Variants in NDUFA7 observed in about 807,000 individuals in gnomAD.
NDUFA7 encodes NADH dehydrogenase [ubiquinone] 1 alpha subcomplex subunit 7.
A neutral mutation model predicts 14.2 loss-of-function variants in NDUFA7; 18 were observed. The observed-to-expected ratio is 1.27, with a 90% CI of 0.88 to 1.88. The LOEUF (loss-of-function observed/expected upper bound fraction) is 1.88. Ranked by LOEUF, NDUFA7 falls within the 40% of genes most tolerant of loss-of-function variation. The pLI, the probability that NDUFA7 is intolerant of heterozygous loss-of-function variation, is 0.00. For synonymous variants in NDUFA7, 75 were observed against 62.1 expected, an observed-to-expected ratio of 1.21 and a Z score of -0.98; for missense variants, 172 against 147.3, an observed-to-expected ratio of 1.17 and a Z score of -0.87.
At chr19:8,314,473 A>G (rs575880349) in intron 3 of NDUFA7, among the ~76,000 whole-genome samples, 2 of 151,476 alleles carry the variant, frequency 1.3e-5, no homozygotes, top group South Asian at 4.2e-4. Flanking sequence ...GGGTTGGACT[A>G]AATGAGCTCT....
downstream of NDUFA7, among the ~76,000 whole-genome samples, chr19:8,310,251 G>A (rs191013285): frequency 5.0e-3 from 759 of 151,896 alleles, 5 homozygotes; most frequent in African/African-American, 0.018. Flanking sequence ...CCAACATGGC[G>A]AAACCCCGTC....
chr19:8,316,054 G>A (rs1377829982), intron 3 of NDUFA7, among the ~76,000 whole-genome samples: 1 of 150,162 alleles, frequency 6.7e-6, no homozygotes, highest in Non-Finnish European at 1.5e-5. Flanking sequence ...AGAGGCTGAG[G>A]CAGAGAATCG....
At chr19:8,308,635 C>CGAGA, downstream of NDUFA7, 6 of 328,066 alleles carry the variant, frequency 1.8e-5, no homozygotes, top group South Asian at 3.9e-5. Context: ...AGCCACGCCC[C>CGAGA]TCAGGCACTC....
rs1389480091 is a variant in NDUFA7, at chr19:8,316,540, G to C, written c.207C>G (p.Ile69Met). Residue 69 changes from isoleucine (I) to methionine (M), a missense_variant, in exon 3 of 4, where the codon ATC (isoleucine) becomes ATG (methionine). Ile to Met is a conservative substitution (Grantham distance 10, BLOSUM62 1). Transcript: ENST00000301457. ...ACACCAGCGCCTTCTGCGACGACAT[G>C]ATGATGGAAGGGGGCACAGATTCCC... The part of the protein sequence containing the change: ...GRRESVPPSI[I>M]MSSQKALVSG... 6.2e-7 allele frequency: 1 copy of C among 1,614,140 alleles called. No individual in the cohort carries two copies. The highest frequency in any genetic ancestry group is 8.5e-7 in the Non-Finnish European group (1 of 1,180,032).
chr19:8,316,845 C>A (rs1374561002), intron 2 of NDUFA7, 200 bp from the exon 3 acceptor site: 2 of 598,328 alleles, frequency 3.3e-6, no homozygotes, highest in Non-Finnish European at 5.8e-6. Context: ...AGATGGTGGA[C>A]CCTGCTCTGG....
At chr19:8,313,027 C>T (rs1179482941) in intron 3 of NDUFA7, among the ~76,000 whole-genome samples, 2 of 151,794 alleles carry the variant, frequency 1.3e-5, no homozygotes, top group African/African-American at 4.8e-5. Context: ...GATCTCCTGA[C>T]CCCTAGTGAT....
rs936681740 is a variant in NDUFA7, at chr19:8,321,018, G to C, written c.52-112C>G. 9 of 1,243,986 alleles carry C rather than the reference G, an allele frequency of 7.2e-6. No individual in the cohort carries two copies. In the Middle Eastern group the frequency reaches 1.5e-3, roughly 203 times the overall value. The allele number at this position is 1,243,986 out of a possible 1,614,324, so 77.1% of individuals were successfully genotyped here. ...GATGCGCATTTTAAGGGAAGGCAGG[G>C]GATGAACACTCGGGGAAACGGATGT... is the stretch of plus-strand genomic sequence containing the variant. On this transcript the variant is annotated intron_variant, in intron 1 of 3. Transcript: ENST00000301457.
At chr19:8,316,443 G>A in intron 3 of NDUFA7, 53 bp downstream of exon 3, 3 of 1,599,190 alleles carry the variant, frequency 1.9e-6, no homozygotes, top group Non-Finnish European at 2.6e-6. Context: ...GAGACAGAGT[G>A]GGTTGCAGGA....
rs778038180 is a variant in NDUFA7, at chr19:8,321,350, G to T, written c.9C>A (p.Ser3=). The T allele has an allele frequency of 3.2e-6, 5 of 1,576,346 alleles. No individual in the cohort carries two copies. The Admixed American group carries it at 5.5e-5, about 17-fold the overall frequency. ...GCAGCCGCTGGATGAGACGGGTGGC[G>T]GACGCCATCTTCCGTCCGCGATACT... MA[S]ATRLIQRLRN... is the part of the protein sequence containing the mutation. The change falls in exon 1 of 4, where the codon TCC becomes TCA. Residue 3 remains serine (S), a synonymous_variant. Transcript: ENST00000301457.
rs1450853536 is a variant in NDUFA7 at position 8,316,660 on chromosome 19, G to T, written c.102-15C>A. On this transcript the variant is annotated splice_polypyrimidine_tract_variant and intron_variant, in intron 2 of 3. Transcript: ENST00000301457. ...GAGGCTGAGTTCTGAGGGGAAAAAA[G>T]ATGAGCACTGAAGCAAAGAGACAGT... 2.5e-6 allele frequency: 4 copies of T among 1,613,370 alleles called. No homozygotes were observed. Among genetic ancestry groups the T allele is most frequent in the Non-Finnish European group, 3.4e-6 (4 of 1,179,530 alleles).
chr19:8,313,668 G>A (rs968470933), intron 3 of NDUFA7, among the ~76,000 whole-genome samples: 3 of 152,232 alleles, frequency 2.0e-5, no homozygotes, highest in Admixed American at 1.3e-4. Context: ...CCCACACCGT[G>A]AGTTGGCTGT....
In NDUFA7 at chr19:8,321,327, A is replaced by G. The variant is rs1270108461; in HGVS notation, c.32T>C (p.Leu11Pro). MASATRLIQRLRNWASGHDLQ... is the reference protein window; with the variant it reads MASATRLIQRPRNWASGHDLQ... ...GCGCACCCCGGACGCCCAGTTCCGCAGCCGCTGGATGAGACGGGTGGCGGA... is the reference window on the plus strand; with the variant it reads ...GCGCACCCCGGACGCCCAGTTCCGCGGCCGCTGGATGAGACGGGTGGCGGA... The change falls in exon 1 of 4, where the codon CTG (leucine) becomes CCG (proline). Residue 11 changes from leucine (L) to proline (P), a missense_variant. Leu to Pro is a moderately conservative substitution (Grantham distance 98). Coordinates refer to ENST00000301457, the MANE Select transcript of NDUFA7 (RefSeq NM_005001.5). 6.3e-7 allele frequency: 1 copy of G among 1,580,062 alleles called. No individual in the cohort carries two copies. The highest frequency in any genetic ancestry group is 1.8e-5 in the Admixed American group (1 of 55,412).
At chr19:8,312,343 G>T (rs1246164603) in intron 3 of NDUFA7, among the ~76,000 whole-genome samples, 3 of 152,156 alleles carry the variant, frequency 2.0e-5, no homozygotes, top group Non-Finnish European at 4.4e-5. Context: ...TCAAGGAAAT[G>T]GAAAAGGCAG....
At chr19:8,320,714 G>A (rs953016909) in intron 2 of NDUFA7, 143 bp downstream of exon 2, 1 of 1,037,494 alleles carries the variant, frequency 9.6e-7, no homozygotes, top group Non-Finnish European at 1.5e-6. Context: ...AAGGTTAAAG[G>A]CAAACCTCTG....
At chr19:8,316,466 G>A in intron 3 of NDUFA7, 30 bp downstream of exon 3, 2 of 1,611,476 alleles carry the variant, frequency 1.2e-6, no homozygotes, top group South Asian at 2.2e-5. Context: ...GGGCATGGGG[G>A]CTGTGGTGAG....
downstream of NDUFA7, among the ~76,000 whole-genome samples, chr19:8,310,999 C>T (rs1475899985): frequency 2.0e-5 from 3 of 152,094 alleles, no homozygotes; most frequent in South Asian, 4.2e-4. Context: ...GGGTGACAAG[C>T]GCGAAAACTC....
intron 3 of NDUFA7, among the ~76,000 whole-genome samples, chr19:8,313,017 G>A (rs190248312): frequency 8.8e-4 from 134 of 152,160 alleles, no homozygotes; most frequent in African/African-American, 3.1e-3. Flanking sequence ...GGCTGGTGTC[G>A]ATCTCCTGAC....
In NDUFA7 at chr19:8,317,847, GT is replaced by G. The variant is rs1970253930; in HGVS notation, c.102-1203del. 5.3e-5 allele frequency among the ~76,000 whole-genome samples: 8 copies of G among 152,176 alleles called. No homozygotes were observed. In the South Asian group the frequency reaches 1.7e-3, roughly 32 times the overall value. Reference sequence around the variant, plus strand: ...TCTGGCTAAAAACAATTTTTCTATTGTTTTTGTGGAGTCGGGGGTCTTGCTA... The same window carrying G: ...TCTGGCTAAAAACAATTTTTCTATTGTTTTGTGGAGTCGGGGGTCTTGCTA... On this transcript the variant is annotated intron_variant, in intron 2 of 3. Coordinates refer to ENST00000301457, the MANE Select transcript of NDUFA7 (RefSeq NM_005001.5).
intron 3 of NDUFA7, among the ~76,000 whole-genome samples, chr19:8,314,395 G>A (rs1441682392): frequency 7.0e-6 from 1 of 143,544 alleles, no homozygotes; most frequent in Non-Finnish European, 1.5e-5. Flanking sequence ...CCCTTGGAGG[G>A]ACCCCGGACT....
Sources: gnomAD v4.1 joint callset for allele counts (sites outside exome capture counted in the v4.1 genomes callset) on GRCh38, gnomAD v4.1.1 for gene constraint, MANE v1.5 for transcripts, NCBI Gene and HGNC (gene_info 2026-07-23, HGNC 2026-07-21) for gene names.